Variants in GNA14 observed in about 807,000 individuals in gnomAD.
GNA14 encodes the protein G protein subunit alpha 14, also known as guanine nucleotide-binding protein subunit alpha-14.
Under a neutral mutation model 42.0 loss-of-function variants are expected in GNA14, and 50 were observed. The observed-to-expected ratio is 1.19, with a 90% CI of 0.95 to 1.51. The LOEUF (loss-of-function observed/expected upper bound fraction) is 1.51, where lower values mean the gene tolerates loss of function less well. GNA14 is among the 40% of genes most tolerant of loss of function. The pLI is 0.00. For synonymous variants in GNA14, 173 were observed against 163.1 expected, an observed-to-expected ratio of 1.06 and a Z score of -0.46; for missense variants, 473 against 446.2, an observed-to-expected ratio of 1.06 and a Z score of -0.54.
Position 77,626,127 on chromosome 9 carries a change from A to T in GNA14, c.124+21543T>A, listed in dbSNP as rs1325047338. ...TAAAACAGACTTTAAATCAACGAAGATCAAAAGAGACAAATAAGGGCATTA... is the reference window on the plus strand; with the variant it reads ...TAAAACAGACTTTAAATCAACGAAGTTCAAAAGAGACAAATAAGGGCATTA... On this transcript the variant is annotated intron_variant, in intron 1 of 6. Coordinates refer to ENST00000341700, the MANE Select transcript of GNA14 (RefSeq NM_004297.4). 2.0e-5 allele frequency among the ~76,000 whole-genome samples: 3 copies of T among 152,304 alleles called. No individual in the cohort carries two copies. In the East Asian group the frequency reaches 5.8e-4, roughly 29 times the overall value.
intron 2 of GNA14, among the ~76,000 whole-genome samples, chr9:77,511,097 A>C (rs1203606921): frequency 6.6e-6 from 1 of 150,596 alleles, no homozygotes; most frequent in Non-Finnish European, 1.5e-5. Context: ...TACAGAGGGG[A>C]GTAGAGGTTA....
chr9:77,546,371 A>C (rs1202309024), intron 1 of GNA14, among the ~76,000 whole-genome samples: 2 of 152,240 alleles, frequency 1.3e-5, no homozygotes, highest in East Asian at 3.9e-4. Context: ...CTCGGTGTCC[A>C]AATCAACAAA....
chr9:77,615,576 G>A (rs1264483316), intron 1 of GNA14, among the ~76,000 whole-genome samples: 1 of 151,726 alleles, frequency 6.6e-6, no homozygotes, highest in Admixed American at 6.6e-5. Context: ...GACCAAGCAG[G>A]GTCCAAACTC....
rs573169304 is a variant in GNA14, at chr9:77,448,548, T to G, written c.310-14026A>C. The stretch of plus-strand genomic sequence containing the variant: ...TTAGATGCATTTTTGACTTTTGATA[T>G]TTTCCATTTAATTTATGATGGGTTT... On this transcript the variant is annotated intron_variant, in intron 2 of 6. Transcript: ENST00000341700. Among the ~76,000 whole-genome samples the G allele has an allele frequency of 1.4e-3, 212 of 152,338 alleles. 1 individual carries two copies. Among genetic ancestry groups the G allele is most frequent in the African/African-American group, 4.9e-3 (203 of 41,576 alleles).
At chr9:77,546,974 C>T (rs909943079) in intron 1 of GNA14, among the ~76,000 whole-genome samples, 4 of 152,168 alleles carry the variant, frequency 2.6e-5, no homozygotes, top group Admixed American at 2.6e-4. Context: ...CTGGTCCAGA[C>T]AATAATGTAT....
chr9:77,614,083 CTT>C (rs1269060054), intron 1 of GNA14, among the ~76,000 whole-genome samples: 1 of 152,166 alleles, frequency 6.6e-6, no homozygotes, highest in Non-Finnish European at 1.5e-5. Context: ...ACAATTAAAA[CTT>C]ATTTTTCCCT....
intron 2 of GNA14, among the ~76,000 whole-genome samples, chr9:77,452,953 G>A (rs1024118706): frequency 2.0e-4 from 30 of 151,820 alleles, no homozygotes; most frequent in African/African-American, 7.3e-4. Context: ...ACAACATAGC[G>A]ACATTCCCTC....
At chr9:77,466,623 T>G (rs1836232232) in intron 2 of GNA14, among the ~76,000 whole-genome samples, 1 of 152,092 alleles carries the variant, frequency 6.6e-6, no homozygotes, top group South Asian at 2.1e-4. Flanking sequence ...GTTTTTTGTT[T>G]GTTTGTTTGT....
rs534795106 is a variant in GNA14 at position 77,470,708 on chromosome 9, T to C, written c.310-36186A>G. ...GAACTACATGAGACTGGGTAATTTG[T>C]AAAGAAAAGAGGTTGAATTGACTCA... On this transcript the variant is annotated intron_variant, in intron 2 of 6. Coordinates refer to ENST00000341700, the MANE Select transcript of GNA14 (RefSeq NM_004297.4). Among the ~76,000 whole-genome samples the C allele has an allele frequency of 6.6e-5, 10 of 152,202 alleles. 1 individual carries two copies. The South Asian group carries it at 8.3e-4, about 13-fold the overall frequency.
At chr9:77,571,148 A>G (rs182751205) in intron 1 of GNA14, among the ~76,000 whole-genome samples, 4 of 152,134 alleles carry the variant, frequency 2.6e-5, no homozygotes, top group African/African-American at 9.7e-5. Flanking sequence ...GTCAAAATCC[A>G]ATTTTCCTCC....
At chr9:77,521,406 T>A (rs541286912) in intron 2 of GNA14, among the ~76,000 whole-genome samples, 1 of 152,228 alleles carries the variant, frequency 6.6e-6, no homozygotes, top group African/African-American at 2.4e-5. Flanking sequence ...TTTAAACAGA[T>A]GTTTTAAAAA....
chr9:77,544,970 G>T (rs117731478), intron 1 of GNA14, among the ~76,000 whole-genome samples: 2,274 of 152,246 alleles, frequency 0.015, 28 homozygotes, highest in Non-Finnish European at 0.024. Flanking sequence ...GAATGAGCCT[G>T]AAGTCAGAAT....
intron 2 of GNA14, among the ~76,000 whole-genome samples, chr9:77,440,029 C>A (rs893493249): frequency 2.6e-5 from 4 of 152,164 alleles, no homozygotes; most frequent in Non-Finnish European, 5.9e-5. Flanking sequence ...CTAACACATT[C>A]ATTTAATTGA....
chr9:77,437,601 A>G (rs1001139108), intron 2 of GNA14, among the ~76,000 whole-genome samples: 5 of 151,848 alleles, frequency 3.3e-5, no homozygotes, highest in African/African-American at 1.2e-4. Context: ...GAAGGGAAGC[A>G]AAGCAAAGGA....
intron 1 of GNA14, among the ~76,000 whole-genome samples, chr9:77,555,031 A>AT (rs35572581): frequency 2.6e-5 from 4 of 151,578 alleles, no homozygotes; most frequent in Admixed American, 6.6e-5. Flanking sequence ...ATTTGGCAGT[A>AT]TTTTTTTTTA....
In GNA14 at chr9:77,521,495, T is replaced by C. The variant is rs942889780; in HGVS notation, c.309+7574A>G. 2.6e-5 allele frequency among the ~76,000 whole-genome samples: 4 copies of C among 152,202 alleles called. No individual in the cohort carries two copies. In the South Asian group the frequency reaches 8.3e-4, roughly 32 times the overall value. On this transcript the variant is annotated intron_variant, in intron 2 of 6. Transcript: ENST00000341700. ...AAAAAGTGACAGAAATTAACCATTTTCACTGAACTCTGACTGATTTCTTCA... is the reference window on the plus strand; with the variant it reads ...AAAAAGTGACAGAAATTAACCATTTCCACTGAACTCTGACTGATTTCTTCA...
chr9:77,461,222 C>T (rs1836099408), intron 2 of GNA14, among the ~76,000 whole-genome samples: 1 of 152,218 alleles, frequency 6.6e-6, no homozygotes, highest in South Asian at 2.1e-4. Context: ...GTGAGCTCCT[C>T]AGACCAGCCA....
intron 2 of GNA14, among the ~76,000 whole-genome samples, chr9:77,481,455 T>A (rs1418343902): frequency 6.6e-6 from 1 of 152,146 alleles, no homozygotes; most frequent in African/African-American, 2.4e-5. Context: ...TGCTGAGGAG[T>A]GCTTTACTTC....
chr9:77,523,399 C>T (rs938983690), intron 2 of GNA14, among the ~76,000 whole-genome samples: 15 of 152,024 alleles, frequency 9.9e-5, no homozygotes, highest in Admixed American at 5.9e-4. Flanking sequence ...AGGTGCCACA[C>T]GCTTTCAAAC....
Sources: allele counts gnomAD v4.1 joint callset (sites outside exome capture counted in the v4.1 genomes callset), GRCh38; gene constraint gnomAD v4.1.1; transcripts MANE v1.5; gene names NCBI Gene and HGNC (gene_info 2026-07-23, HGNC 2026-07-21).